Variants in EDARADD observed in about 807,000 individuals in gnomAD.
The protein encoded by EDARADD is EDAR associated via death domain, also known as ectodysplasin-A receptor-associated adapter protein.
EDARADD carries 20 observed loss-of-function variants against 25.6 expected under a neutral mutation model. That is an observed-to-expected ratio of 0.78 (90% CI 0.55 to 1.14). The LOEUF (loss-of-function observed/expected upper bound fraction) is 1.14. EDARADD is among the 50% of genes most tolerant of loss of function. The pLI is 0.00. For missense variants in EDARADD, 225 were observed against 270.1 expected, an observed-to-expected ratio of 0.83 and a Z score of 1.17; for synonymous variants, 86 against 94.4, an observed-to-expected ratio of 0.91 and a Z score of 0.52.
intron 3 of EDARADD, among the ~76,000 whole-genome samples, chr1:236,425,491 C>T (rs898237938): frequency 1.3e-5 from 2 of 152,130 alleles, no homozygotes; most frequent in East Asian, 1.9e-4. Flanking sequence ...TGCAAAGGAC[C>T]GCCCCCGTGG....
At chr1:236,401,093 G>A (rs931784461) in intron 1 of EDARADD, among the ~76,000 whole-genome samples, 20 of 152,114 alleles carry the variant, frequency 1.3e-4, no homozygotes, top group Non-Finnish European at 2.6e-4. Flanking sequence ...GGCTGAGGTG[G>A]GAGAATCACT....
intron 1 of EDARADD, among the ~76,000 whole-genome samples, chr1:236,401,822 T>C (rs190033000): frequency 6.6e-6 from 1 of 152,196 alleles, no homozygotes; most frequent in African/African-American, 2.4e-5. Flanking sequence ...AACAGAGTCT[T>C]TCCAGAGGTA....
intron 4 of EDARADD, among the ~76,000 whole-genome samples, chr1:236,443,322 A>G (rs977144525): frequency 4.6e-5 from 7 of 152,224 alleles, no homozygotes; most frequent in African/African-American, 1.7e-4. Context: ...TAAGAAATAC[A>G]TTTGGTAAGA....
At chr1:236,445,176 C>T (rs1002152128) in intron 4 of EDARADD, among the ~76,000 whole-genome samples, 1 of 151,554 alleles carries the variant, frequency 6.6e-6, no homozygotes, top group Non-Finnish European at 1.5e-5. Flanking sequence ...ATTTATTCTC[C>T]ACTGTAACGT....
At chr1:236,387,408 C>A (rs1465544303) in intron 3 of EDARADD, among the ~76,000 whole-genome samples, 1 of 43,016 alleles carries the variant, frequency 2.3e-5, no homozygotes, top group Non-Finnish European at 5.1e-5. Flanking sequence ...CCAGCCGCCC[C>A]GTCCGGGAGG....
At chr1:236,462,077 A>G (rs1659052410) in intron 4 of EDARADD, among the ~76,000 whole-genome samples, 1 of 152,178 alleles carries the variant, frequency 6.6e-6, no homozygotes, top group Non-Finnish European at 1.5e-5. Context: ...AGGTGGCTTG[A>G]GCAGGAACAA....
intron 5 of EDARADD, among the ~76,000 whole-genome samples, chr1:236,479,059 TG>T (rs1659592638): frequency 6.6e-6 from 1 of 152,148 alleles, no homozygotes; most frequent in Non-Finnish European, 1.5e-5. Context: ...ACAAATTGGG[TG>T]CAGTGTATAC....
chr1:236,391,673 G>A (rs1187481351), upstream of EDARADD, among the ~76,000 whole-genome samples: 1 of 152,196 alleles, frequency 6.6e-6, no homozygotes, highest in Non-Finnish European at 1.5e-5. Context: ...TTAGATTGCA[G>A]AAATTTCACT....
intron 4 of EDARADD, among the ~76,000 whole-genome samples, chr1:236,462,681 G>A (rs926895418): frequency 6.6e-6 from 1 of 152,206 alleles, no homozygotes; most frequent in African/African-American, 2.4e-5. Context: ...GGACTTGACT[G>A]TCAGTTTATA....
intron 3 of EDARADD, among the ~76,000 whole-genome samples, chr1:236,418,802 T>C (rs190544677): frequency 2.0e-5 from 3 of 152,308 alleles, no homozygotes; most frequent in African/African-American, 2.4e-5. Context: ...AATGATGCCA[T>C]GTGAAGAGTT....
intron 5 of EDARADD, among the ~76,000 whole-genome samples, chr1:236,469,585 C>G (rs1282856794): frequency 6.6e-6 from 1 of 152,078 alleles, no homozygotes; most frequent in Admixed American, 6.6e-5. Flanking sequence ...AGTTTTGTTT[C>G]TTTCTTTCTT....
chr1:236,354,343 C>T (rs184126844), intron 3 of EDARADD, among the ~76,000 whole-genome samples: 2 of 152,118 alleles, frequency 1.3e-5, no homozygotes, highest in South Asian at 2.1e-4. Context: ...TACTTGGGTT[C>T]GAATCCAGCA....
At chr1:236,460,375 G>A (rs1033409448) in intron 4 of EDARADD, among the ~76,000 whole-genome samples, 1 of 151,542 alleles carries the variant, frequency 6.6e-6, no homozygotes, top group African/African-American at 2.4e-5. Context: ...TAGAGATTGG[G>A]GGATCTCACT....
rs34634477 is a variant in EDARADD at position 236,372,914 on chromosome 1, A to ATTTTT, written c.-6+22090_-6+22094dup. 6.6e-4 allele frequency among the ~76,000 whole-genome samples: 75 copies of ATTTTT among 113,582 alleles called. 7 individuals are homozygous for ATTTTT. The highest frequency in any genetic ancestry group is 1.1e-3 in the East Asian group (4 of 3,668). The allele number at this position is 113,582 out of a possible 152,430, so 74.5% of individuals were successfully genotyped here. ...GGATCATTGTGATGTCTCTTCTTAC[A>ATTTTT]TTTTTTTTTTTTTTTTTTTGAGACA... On this transcript the variant is annotated intron_variant, in intron 3 of 7. Transcript: ENST00000439430.
intron 4 of EDARADD, among the ~76,000 whole-genome samples, chr1:236,443,931 T>C (rs1474593857): frequency 6.6e-6 from 1 of 152,146 alleles, no homozygotes; most frequent in East Asian, 1.9e-4. Context: ...GAAGAGTCCA[T>C]TGATGTGGCA....
At chr1:236,380,953 G>T (rs748277650) in intron 3 of EDARADD, among the ~76,000 whole-genome samples, 2 of 152,152 alleles carry the variant, frequency 1.3e-5, no homozygotes, top group African/African-American at 4.8e-5. Flanking sequence ...TATGTCAAGT[G>T]CACAACTTGA....
intron 3 of EDARADD, among the ~76,000 whole-genome samples, chr1:236,363,685 C>A (rs1558101068): frequency 6.6e-6 from 1 of 152,092 alleles, no homozygotes; most frequent in Non-Finnish European, 1.5e-5. Context: ...TGAGCCACCA[C>A]AACCAGCCCA....
chr1:236,368,373 A>G (rs1330232401), intron 3 of EDARADD, among the ~76,000 whole-genome samples: 1 of 151,342 alleles, frequency 6.6e-6, no homozygotes, highest in Non-Finnish European at 1.5e-5. Context: ...TCATTGTATA[A>G]CCATTCACAT....
rs180953147 is a variant in EDARADD at position 236,437,459 on chromosome 1, C to T, written c.219+10009C>T. ...TAAAAAGGCAGAGTTCTAGAAAGGT[C>T]ATCCTAGCAGGGGATGGTCTAGGGG... On this transcript the variant is annotated intron_variant, in intron 4 of 5. Transcript: ENST00000334232. Among the ~76,000 whole-genome samples the T allele has an allele frequency of 1.6e-4, 25 of 152,028 alleles. No homozygotes were observed. The East Asian group carries it at 3.9e-3, about 24-fold the overall frequency.
Sources: allele counts gnomAD v4.1 joint callset (sites outside exome capture counted in the v4.1 genomes callset), GRCh38; gene constraint gnomAD v4.1.1; transcripts MANE v1.5; gene names NCBI Gene and HGNC (gene_info 2026-07-23, HGNC 2026-07-21).